Variants in SYNPR observed in about 807,000 individuals in gnomAD.
The protein encoded by SYNPR is synaptoporin.
SYNPR carries 23 observed loss-of-function variants against 32.9 expected under a neutral mutation model. The observed-to-expected ratio is 0.70, with a 90% CI of 0.50 to 0.99. The LOEUF is 0.99. SYNPR is among the 50% of genes least tolerant of loss of function. SYNPR has a pLI of 0.00. For synonymous variants in SYNPR, 146 were observed against 135.9 expected, an observed-to-expected ratio of 1.07 and a Z score of -0.52; for missense variants, 318 against 349.3, an observed-to-expected ratio of 0.91 and a Z score of 0.71.
At chr3:63,565,183 C>A (rs1009836657) in intron 4 of SYNPR, among the ~76,000 whole-genome samples, 1 of 152,210 alleles carries the variant, frequency 6.6e-6, no homozygotes, top group East Asian at 1.9e-4. Context: ...TCAGACAGAC[C>A]AGGGGTTTTC....
At chr3:63,381,902 G>A (rs1408641197) in intron 2 of SYNPR, among the ~76,000 whole-genome samples, 2 of 151,866 alleles carry the variant, frequency 1.3e-5, no homozygotes, top group Non-Finnish European at 2.9e-5. Flanking sequence ...CTTTTTTAGG[G>A]GTTCCTTCAG....
Position 63,415,204 on chromosome 3 carries a change from G to A in SYNPR, c.85-65628G>A, listed in dbSNP as rs372368026. ...CTTTATGGTTAAAATACTATAAAATGGTGTGCTCCTATACATCCCCTCACA... is the reference window on the plus strand; with the variant it reads ...CTTTATGGTTAAAATACTATAAAATAGTGTGCTCCTATACATCCCCTCACA... On this transcript the variant is annotated intron_variant, in intron 2 of 5. Coordinates refer to ENST00000478300, the MANE Select transcript of SYNPR (RefSeq NM_001130003.2). Among the ~76,000 whole-genome samples, 7 of 152,082 alleles carry A rather than the reference G, an allele frequency of 4.6e-5. No homozygotes were observed. The East Asian group carries it at 7.7e-4, about 17-fold the overall frequency.
intron 2 of SYNPR, among the ~76,000 whole-genome samples, chr3:63,319,177 A>G (rs1259007155): frequency 1.3e-5 from 2 of 151,930 alleles, no homozygotes; most frequent in Admixed American, 1.3e-4. Flanking sequence ...GTTTTTGAAG[A>G]GACTGTCCTT....
intron 2 of SYNPR, among the ~76,000 whole-genome samples, chr3:63,444,929 T>A (rs933997119): frequency 1.3e-5 from 2 of 151,216 alleles, no homozygotes; most frequent in African/African-American, 4.9e-5. Flanking sequence ...TGGAGCCAAG[T>A]GTATCTTAGC....
intron 2 of SYNPR, among the ~76,000 whole-genome samples, chr3:63,347,030 T>A (rs946122847): frequency 3.3e-5 from 5 of 152,178 alleles, no homozygotes; most frequent in African/African-American, 1.2e-4. Flanking sequence ...AGTTTCCTCA[T>A]CTGCAGAATA....
intron 2 of SYNPR, among the ~76,000 whole-genome samples, chr3:63,337,992 T>C (rs2087317139): frequency 6.6e-6 from 1 of 152,186 alleles, no homozygotes; most frequent in Non-Finnish European, 1.5e-5. Context: ...AACAGGGAAC[T>C]CTAATGCAAA....
intron 2 of SYNPR, among the ~76,000 whole-genome samples, chr3:63,255,911 C>T (rs1490794685): frequency 1.3e-5 from 2 of 152,238 alleles, no homozygotes; most frequent in African/African-American, 4.8e-5. Context: ...AACGGCACAC[C>T]AGGAGACTAT....
At chr3:63,276,201 A>G (rs2086572842), upstream of SYNPR, among the ~76,000 whole-genome samples, 1 of 152,160 alleles carries the variant, frequency 6.6e-6, no homozygotes. Flanking sequence ...TCTGCCCAGA[A>G]ATGCACACAT....
intron 2 of SYNPR, among the ~76,000 whole-genome samples, chr3:63,331,146 A>G (rs1454528437): frequency 2.0e-5 from 3 of 152,170 alleles, no homozygotes; most frequent in African/African-American, 7.2e-5. Context: ...CTAATTGATC[A>G]TTGCATTATG....
At position 63,255,307 on chromosome 3, in the gene SYNPR, C is replaced by T. The variant is rs2086372621; in HGVS notation, n.154+2721C>T. Among the ~76,000 whole-genome samples the T allele has an allele frequency of 2.6e-5, 4 of 152,044 alleles. No homozygotes were observed. The South Asian group carries it at 8.3e-4, about 32-fold the overall frequency. ...GAAAATTTCCAGCTTTCAACCCTGC[C>T]ACAACACTCTGGGACATAATGATTG... is the stretch of plus-strand genomic sequence containing the variant. On this transcript the variant is annotated intron_variant and non_coding_transcript_variant, in intron 2 of 4. Coordinates refer to the SYNPR transcript ENST00000478456.
At chr3:63,257,205 G>A (rs182855252) in intron 2 of SYNPR, among the ~76,000 whole-genome samples, 32 of 152,214 alleles carry the variant, frequency 2.1e-4, no homozygotes, top group African/African-American at 7.0e-4. Context: ...TCAAATTGAG[G>A]AAATATAGAG....
chr3:63,492,661 T>G (rs1169287928), intron 3 of SYNPR, among the ~76,000 whole-genome samples: 1 of 152,116 alleles, frequency 6.6e-6, no homozygotes, highest in Admixed American at 6.5e-5. Context: ...CGGCAGAGAT[T>G]AAATCATTGT....
chr3:63,467,971 G>A (rs79969894), intron 2 of SYNPR, among the ~76,000 whole-genome samples: 24,534 of 151,774 alleles, frequency 0.16, 2,024 homozygotes, highest in Middle Eastern at 0.2. Flanking sequence ...AGGTTGAGGC[G>A]GGCACATCAC....
intron 2 of SYNPR, among the ~76,000 whole-genome samples, chr3:63,390,813 C>A (rs564299418): frequency 2.0e-4 from 31 of 152,330 alleles, no homozygotes; most frequent in Middle Eastern, 6.8e-3. Flanking sequence ...AAGGCCTCCT[C>A]CTTCCTGGAA....
At chr3:63,613,767 C>G (rs1376713045) in intron 5 of SYNPR, among the ~76,000 whole-genome samples, 1 of 152,058 alleles carries the variant, frequency 6.6e-6, no homozygotes. Context: ...TTAATCCTCC[C>G]AACTACCTTC....
At chr3:63,420,873 AT>A in intron 2 of SYNPR, among the ~76,000 whole-genome samples, 1 of 152,244 alleles carries the variant, frequency 6.6e-6, no homozygotes, top group South Asian at 2.1e-4. Flanking sequence ...CTAAGAAGCA[AT>A]TTTTTAATTT....
At chr3:63,593,889 C>A (rs1409303626) in intron 4 of SYNPR, among the ~76,000 whole-genome samples, 3 of 152,102 alleles carry the variant, frequency 2.0e-5, no homozygotes, top group African/African-American at 7.2e-5. Context: ...CTTGGCTGGT[C>A]TCCCCCACTC....
At chr3:63,243,539 A>G (rs1296517808) in intron 1 of SYNPR, among the ~76,000 whole-genome samples, 1 of 152,144 alleles carries the variant, frequency 6.6e-6, no homozygotes, top group Non-Finnish European at 1.5e-5. Flanking sequence ...GGAATAGTGT[A>G]TTGAAAGTGG....
rs1004925577 is a variant in SYNPR, at chr3:63,595,452, G to T, written c.409-13673G>T. Among the ~76,000 whole-genome samples the T allele has an allele frequency of 7.9e-5, 12 of 151,368 alleles. No homozygotes were observed. In the Admixed American group the frequency reaches 7.9e-4, roughly 10 times the overall value. The stretch of plus-strand genomic sequence containing the variant: ...GTCATTAAAGATTACAAAGTCTAGG[G>T]GATTAGTGGGATTTGTCTAAGCACA... On this transcript the variant is annotated intron_variant, in intron 4 of 5. Coordinates refer to ENST00000478300, the MANE Select transcript of SYNPR (RefSeq NM_001130003.2).
Sources: gnomAD v4.1 joint callset for allele counts (sites outside exome capture counted in the v4.1 genomes callset) on GRCh38, gnomAD v4.1.1 for gene constraint, MANE v1.5 for transcripts, NCBI Gene and HGNC (gene_info 2026-07-23, HGNC 2026-07-21) for gene names.